ADAM19: variants seen among roughly 807,000 people sequenced by gnomAD.
ADAM19 encodes the protein disintegrin and metalloproteinase domain-containing protein 19.
A neutral mutation model predicts 114.7 loss-of-function variants in ADAM19; 65 were observed. The ratio of observed to expected loss-of-function variants is 0.57; its 90% CI spans 0.46 to 0.70. ADAM19 has a LOEUF of 0.70. Among genes scored for constraint, ADAM19 ranks in the 30% least tolerant of loss-of-function variants. The pLI, the probability that ADAM19 is intolerant of heterozygous loss-of-function variation, is 0.00. For synonymous variants in ADAM19, 466 were observed against 460.5 expected, an observed-to-expected ratio of 1.01 and a Z score of -0.15; for missense variants, 1,063 against 1,204.7, an observed-to-expected ratio of 0.88 and a Z score of 1.74.
intron 3 of ADAM19, among the ~76,000 whole-genome samples, chr5:157,552,191 A>T (rs1416177324): frequency 6.6e-6 from 1 of 152,032 alleles, no homozygotes; most frequent in Non-Finnish European, 1.5e-5. Context: ...CCGCAATGAG[A>T]TATCATCTCA....
At chr5:157,514,467 C>T (rs1194814878) in intron 7 of ADAM19, among the ~76,000 whole-genome samples, 1 of 151,882 alleles carries the variant, frequency 6.6e-6, no homozygotes, top group East Asian at 1.9e-4. Context: ...GCTGGGATTA[C>T]AGGTGCTCGC....
Position 157,507,099 on chromosome 5 carries a change from A to T in ADAM19, c.947T>A (p.Leu316His). ...FHGTTIGLAP[L>H]MAMCSVYQSG... ...CTGGTACACAGAGCACATGGCCATG[A>T]GGGGGGCCAGGCCGATGGTGGTGCC... Residue 316 changes from leucine (L) to histidine (H), a missense_variant, in exon 10 of 23, where the codon CTC becomes CAC. Around this residue, in one of 3 missense-constraint regions of ADAM19, gnomAD observed 615 missense variants for 706.3 expected, o/e 0.87. Coordinates refer to ENST00000257527, the MANE Select transcript of ADAM19 (RefSeq NM_033274.5). 1 of 1,614,072 alleles carries T rather than the reference A, an allele frequency of 6.2e-7. No individual in the cohort carries two copies. The highest frequency in any genetic ancestry group is 8.5e-7 in the Non-Finnish European group (1 of 1,179,994).
chr5:157,501,782 C>CTCACGCCT (rs55840827), intron 12 of ADAM19, among the ~76,000 whole-genome samples: 19,426 of 152,086 alleles, frequency 0.13, 1,567 homozygotes, highest in South Asian at 0.2. Context: ...GGTGCGGTGG[C>CTCACGCCT]TCACGCCTGC....
At chr5:157,492,109 T>C (rs1381123916) in intron 16 of ADAM19, among the ~76,000 whole-genome samples, 197 bp from the exon 17 acceptor site, 1 of 152,020 alleles carries the variant, frequency 6.6e-6, no homozygotes, top group African/African-American at 2.4e-5. Context: ...CTGGCCAACA[T>C]GGTGAAACTC....
intron 5 of ADAM19, among the ~76,000 whole-genome samples, chr5:157,529,751 T>C (rs1756572447): frequency 6.6e-6 from 1 of 152,154 alleles, no homozygotes; most frequent in South Asian, 2.1e-4. Context: ...ATTCTTTTTA[T>C]CCACATTTTA....
At chr5:157,481,259 A>G (rs1754737201) in intron 22 of ADAM19, 2 of 588,538 alleles carry the variant, frequency 3.4e-6, no homozygotes, top group East Asian at 2.9e-5. Flanking sequence ...AGCACAGTCC[A>G]TAGTTTTCTC....
At chr5:157,567,805 A>T (rs1757708849) in intron 2 of ADAM19, among the ~76,000 whole-genome samples, 2 of 151,914 alleles carry the variant, frequency 1.3e-5, no homozygotes, top group Non-Finnish European at 2.9e-5. Flanking sequence ...CTAAACAAAA[A>T]AAAAAAATAA....
intron 19 of ADAM19, among the ~76,000 whole-genome samples, chr5:157,489,757 G>A (rs958748709): frequency 6.6e-6 from 1 of 152,166 alleles, no homozygotes; most frequent in Non-Finnish European, 1.5e-5. Context: ...AGGCCAAAGC[G>A]GGCAGATCAC....
chr5:157,495,588 G>A (rs1755334761), intron 14 of ADAM19, among the ~76,000 whole-genome samples: 1 of 152,120 alleles, frequency 6.6e-6, no homozygotes, highest in African/African-American at 2.4e-5. Flanking sequence ...ATAATTCTGT[G>A]TGTATCTTCT....
chr5:157,574,169 A>G lies in ADAM19; in HGVS notation c.94+1434T>C, dbSNP rs1757906329. Among the ~76,000 whole-genome samples, 6 of 152,328 alleles carry G rather than the reference A, an allele frequency of 3.9e-5. No individual in the cohort carries two copies. In the South Asian group the frequency reaches 1.2e-3, roughly 32 times the overall value. ...GAACACACAAAGAATGTGGAGGGGA[A>G]AAAAAACAAAATATCAACAGCAACT... is the stretch of plus-strand genomic sequence containing the variant. On this transcript the variant is annotated intron_variant, in intron 1 of 22. Transcript: ENST00000257527.
Position 157,493,131 on chromosome 5 carries a change from G to C in ADAM19, c.1750C>G (p.Pro584Ala). Residue 584 changes from proline to alanine, a missense_variant, in exon 16 of 23, where the codon CCC (proline) becomes GCC (alanine). By Grantham distance (27) the Pro-to-Ala change is conservative. This residue lies in a region of ADAM19 where 424 missense variants were observed against 445.5 expected (regional missense o/e 0.95). Coordinates refer to ENST00000257527, the MANE Select transcript of ADAM19 (RefSeq NM_033274.5). ...ATGGGCACCGCGTTGGACTCCAGGG[G>C]CCGGGCCTCAGAGCTCTGACACTGG... ...KIQCQSSEAR[P>A]LESNAVPIDT... 2.5e-6 allele frequency: 4 copies of C among 1,614,200 alleles called. No homozygotes were observed. Among genetic ancestry groups the C allele is most frequent in the Non-Finnish European group, 3.4e-6 (4 of 1,180,020 alleles).
intron 3 of ADAM19, among the ~76,000 whole-genome samples, chr5:157,550,584 G>A (rs975347793): frequency 4.6e-5 from 7 of 151,906 alleles, no homozygotes; most frequent in African/African-American, 1.4e-4. Context: ...AGATTATGGC[G>A]ATGGCTGCAT....
In ADAM19 at chr5:157,488,459, G is replaced by T; in HGVS notation, c.2356C>A (p.Pro786Thr). The change falls in exon 21 of 23, where the codon CCC becomes ACC. Residue 786 changes from proline (P) to threonine (T), a missense_variant. Pro to Thr is a conservative substitution (Grantham distance 38). This residue lies in a region of ADAM19 where 424 missense variants were observed against 445.5 expected (regional missense o/e 0.95). Coordinates refer to ENST00000257527, the MANE Select transcript of ADAM19 (RefSeq NM_033274.5). ...GGGGGCCGGGGAGGAGGCTGGGAGGGCTTCCGCAGGATTTCCGGAGTGTTG... is the reference window on the plus strand; with the variant it reads ...GGGGGCCGGGGAGGAGGCTGGGAGGTCTTCCGCAGGATTTCCGGAGTGTTG... ...VINTPEILRK[P>T]SQPPPRPPPD... 1 of 1,606,820 alleles carries T rather than the reference G, an allele frequency of 6.2e-7. No individual in the cohort carries two copies. Among genetic ancestry groups the T allele is most frequent in the African/African-American group, 1.3e-5 (1 of 74,834 alleles).
chr5:157,553,500 T>C (rs1757260928), intron 3 of ADAM19, among the ~76,000 whole-genome samples: 1 of 152,074 alleles, frequency 6.6e-6, no homozygotes, highest in Non-Finnish European at 1.5e-5. Context: ...TTTGGGGAGG[T>C]ATCTGTTGTT....
At chr5:157,569,416 C>CTTTTTTTTT (rs1196722802) in intron 2 of ADAM19, among the ~76,000 whole-genome samples, 35 of 97,870 alleles carry the variant, frequency 3.6e-4, no homozygotes, top group Non-Finnish European at 4.6e-4. Flanking sequence ...AGCTAATTTT[C>CTTTTTTTTT]TTTTTTTTTT....
At chr5:157,547,293 A>G (rs1757075140) in intron 3 of ADAM19, among the ~76,000 whole-genome samples, 2 of 152,216 alleles carry the variant, frequency 1.3e-5, no homozygotes, top group South Asian at 4.1e-4. Context: ...CTCCAGGGAC[A>G]GACACCACCA....
chr5:157,513,305 G>A (rs1375322718), intron 8 of ADAM19, 129 bp downstream of exon 8: 2 of 823,980 alleles, frequency 2.4e-6, no homozygotes, highest in African/African-American at 1.7e-5. Context: ...ACCGCCCTGG[G>A]CCTCTATGGC....
Position 157,481,040 on chromosome 5 carries a change from T to C in ADAM19, c.2704-38A>G. The stretch of plus-strand genomic sequence containing the variant: ...AGAAGGGAGGGAGAGAGACATCAGC[T>C]TGATGCTGATCAATGGGATCAAGGG... On this transcript the variant is annotated intron_variant, in intron 22 of 22. Transcript: ENST00000257527. 1.9e-6 allele frequency: 3 copies of C among 1,613,566 alleles called. No homozygotes were observed. In the East Asian group the frequency reaches 6.7e-5, roughly 36 times the overall value.
At chr5:157,500,557 C>T (rs1160083966) in intron 12 of ADAM19, among the ~76,000 whole-genome samples, 1 of 152,098 alleles carries the variant, frequency 6.6e-6, no homozygotes, top group Admixed American at 6.6e-5. Context: ...GCCCTCCTGC[C>T]CCCAACCCTC....
Sources: gnomAD v4.1 joint callset for allele counts (sites outside exome capture counted in the v4.1 genomes callset) on GRCh38, gnomAD v4.1.1 for gene constraint, gnomAD v4.1.1 regional missense constraint, MANE v1.5 for transcripts, NCBI Gene and HGNC (gene_info 2026-07-23, HGNC 2026-07-21) for gene names.